Variants in NR6A1 observed in about 807,000 individuals in gnomAD.
NR6A1 encodes retinoic acid receptor-related testis-associated receptor.
In NR6A1, 7 loss-of-function variants were observed where a neutral mutation model predicts 59.1. The observed-to-expected ratio is 0.12, with a 90% CI of 0.07 to 0.22. The LOEUF is 0.22. Ranked by LOEUF, NR6A1 falls within the 10% of genes least tolerant of loss-of-function variation. The pLI is 1.00. For synonymous variants in NR6A1, 243 were observed against 236.1 expected (o/e 1.03, Z -0.27); for missense variants, 468 against 611.6 (o/e 0.77, Z 2.48).
intron 2 of NR6A1, among the ~76,000 whole-genome samples, chr9:124,681,338 CTTTTTTTTTTTT>C (rs779847656): frequency 6.3e-5 from 7 of 110,786 alleles, no homozygotes; most frequent in Non-Finnish European, 1.3e-4. Flanking sequence ...AACATTTGAG[CTTTTTTTTTTTT>C]TTTTTTTTTG....
intron 1 of NR6A1, among the ~76,000 whole-genome samples, chr9:124,751,796 T>TA (rs1488144348): frequency 2.0e-5 from 3 of 152,206 alleles, no homozygotes; most frequent in African/African-American, 2.4e-5. Context: ...GGAATTTCTT[T>TA]AAAAAATCCT....
intron 2 of NR6A1, among the ~76,000 whole-genome samples, chr9:124,557,482 T>C (rs1264048198): frequency 3.3e-5 from 5 of 152,144 alleles, no homozygotes; most frequent in African/African-American, 1.2e-4. Flanking sequence ...TTTCTGTTGT[T>C]TGCAACACAA....
Position 124,522,456 on chromosome 9 carries a change from C to A in NR6A1, c.*249G>T. The stretch of plus-strand genomic sequence containing the variant: ...ACATTCTGTAAACTGTAAGAAAATG[C>A]ATTGGCTGCATTCACACAAAAGCAT... On this transcript the variant is annotated 3_prime_UTR_variant, in exon 10 of 10. Transcript: ENST00000487099. 3.1e-6 allele frequency: 1 copy of A among 323,302 alleles called. No homozygotes were observed. The highest frequency in any genetic ancestry group is 5.9e-6 in the Non-Finnish European group (1 of 168,398). The allele number at this position is 323,302 out of a possible 1,614,324, so 20.0% of individuals were successfully genotyped here.
intron 7 of NR6A1, among the ~76,000 whole-genome samples, chr9:124,528,769 G>GA (rs915197301): frequency 2.7e-5 from 4 of 149,772 alleles, no homozygotes; most frequent in Non-Finnish European, 5.9e-5. Flanking sequence ...ACCTAAAAAA[G>GA]AAAAAAAACA....
intron 2 of NR6A1, among the ~76,000 whole-genome samples, chr9:124,572,592 C>T (rs1190464125): frequency 6.6e-6 from 1 of 152,194 alleles, no homozygotes; most frequent in Non-Finnish European, 1.5e-5. Context: ...TTTTCGACTC[C>T]ACAGTGGGCT....
Position 124,722,389 on chromosome 9 carries a change from C to T in NR6A1, c.142+10919G>A, listed in dbSNP as rs75941583. Reference sequence around the variant, plus strand: ...CAGACATTTGGGCTTATATAAACTACTTTCTGAGACCAAAAATTGTGACAC... The same window carrying T: ...CAGACATTTGGGCTTATATAAACTATTTTCTGAGACCAAAAATTGTGACAC... On this transcript the variant is annotated intron_variant, in intron 2 of 9. Transcript: ENST00000487099. Among the ~76,000 whole-genome samples, 196 of 152,278 alleles carry T rather than the reference C, an allele frequency of 1.3e-3. 1 individual carries two copies. The highest frequency in any genetic ancestry group is 4.5e-3 in the African/African-American group (187 of 41,556).
intron 2 of NR6A1, among the ~76,000 whole-genome samples, chr9:124,665,919 T>C (rs913793846): frequency 2.0e-5 from 3 of 152,250 alleles, no homozygotes; most frequent in Non-Finnish European, 1.5e-5. Flanking sequence ...CTAGGACTAA[T>C]ACAATGAAGT....
chr9:124,660,071 G>GA (rs1837382703), intron 2 of NR6A1, among the ~76,000 whole-genome samples: 1 of 152,058 alleles, frequency 6.6e-6, no homozygotes, highest in South Asian at 2.1e-4. Context: ...TTGTTTTCTT[G>GA]AAAAAACAAG....
At chr9:124,756,193 CAA>C (rs1307517761) in intron 1 of NR6A1, among the ~76,000 whole-genome samples, 1 of 152,162 alleles carries the variant, frequency 6.6e-6, no homozygotes, top group Non-Finnish European at 1.5e-5. Context: ...AAATTTAACT[CAA>C]GACAGCTTTT....
At chr9:124,669,189 A>G (rs1431861965) in intron 2 of NR6A1, among the ~76,000 whole-genome samples, 2 of 152,202 alleles carry the variant, frequency 1.3e-5, no homozygotes, top group Non-Finnish European at 2.9e-5. Context: ...GGAGAAAAAA[A>G]CTGACATCGA....
chr9:124,593,257 TCAGTTG>T (rs1349961228), intron 2 of NR6A1, among the ~76,000 whole-genome samples: 1 of 152,200 alleles, frequency 6.6e-6, no homozygotes, highest in Non-Finnish European at 1.5e-5. Flanking sequence ...TCTGTTTAGC[TCAGTTG>T]AAGTTTCGAG....
intron 1 of NR6A1, among the ~76,000 whole-genome samples, chr9:124,770,528 G>A (rs1485375348): frequency 1.3e-5 from 2 of 151,042 alleles, no homozygotes; most frequent in African/African-American, 4.9e-5. Flanking sequence ...GTGGGAGGAG[G>A]AACCCCTGTA....
At chr9:124,569,556 T>A (rs1350379805) in intron 2 of NR6A1, among the ~76,000 whole-genome samples, 8 of 152,198 alleles carry the variant, frequency 5.3e-5, no homozygotes, top group Admixed American at 5.2e-4. Flanking sequence ...CTTGCCTGGC[T>A]AAAGGGTATT....
intron 2 of NR6A1, among the ~76,000 whole-genome samples, chr9:124,601,583 CAAAAAAAAA>C (rs11346749): frequency 3.3e-5 from 3 of 90,030 alleles, no homozygotes. Context: ...GACTCTGTGT[CAAAAAAAAA>C]AAAAAAAGAA....
intron 2 of NR6A1, among the ~76,000 whole-genome samples, chr9:124,708,915 C>G (rs1260338924): frequency 6.6e-6 from 1 of 152,214 alleles, no homozygotes; most frequent in Non-Finnish European, 1.5e-5. Context: ...GGTCTTAACT[C>G]TCAGCCCATC....
chr9:124,537,575 G>A (rs953867392), intron 6 of NR6A1, among the ~76,000 whole-genome samples: 18 of 152,206 alleles, frequency 1.2e-4, no homozygotes, highest in South Asian at 4.1e-4. Context: ...GGGTAGGCCC[G>A]AAGGCTGAAC....
intron 2 of NR6A1, among the ~76,000 whole-genome samples, chr9:124,679,705 C>T (rs1838072401): frequency 6.6e-6 from 1 of 151,454 alleles, no homozygotes; most frequent in Admixed American, 6.6e-5. Flanking sequence ...GCCTGGCCAA[C>T]ATGGTAAAAC....
chr9:124,662,703 T>C (rs995655701), intron 2 of NR6A1, among the ~76,000 whole-genome samples: 5 of 152,202 alleles, frequency 3.3e-5, no homozygotes, highest in Admixed American at 2.6e-4. Context: ...AATGAAACAT[T>C]TGGACAGGAG....
intron 6 of NR6A1, among the ~76,000 whole-genome samples, chr9:124,537,890 CA>C (rs1352650174): frequency 8.5e-5 from 13 of 152,180 alleles, no homozygotes; most frequent in Admixed American, 1.3e-4. Flanking sequence ...AAAGTAACCT[CA>C]ACTCTATGAG....
Sources: allele counts gnomAD v4.1 joint callset (sites outside exome capture counted in the v4.1 genomes callset), GRCh38; gene constraint gnomAD v4.1.1; transcripts MANE v1.5; gene names NCBI Gene and HGNC (gene_info 2026-07-23, HGNC 2026-07-21).